GADL1: variants seen among roughly 807,000 people sequenced by gnomAD.
The protein encoded by GADL1 is GAD like acidic amino acid decarboxylase 1.
A neutral mutation model predicts 69.5 loss-of-function variants in GADL1; 71 were observed. The observed-to-expected ratio is 1.02, with a 90% CI of 0.84 to 1.25. The LOEUF (loss-of-function observed/expected upper bound fraction) is 1.25. GADL1 is among the 50% of genes most tolerant of loss of function. The pLI is 0.00. For missense variants in GADL1, 737 were observed against 631.8 expected, an observed-to-expected ratio of 1.17 and a Z score of -1.79; for synonymous variants, 254 against 214.4, an observed-to-expected ratio of 1.18 and a Z score of -1.62.
chr3:30,881,508 G>A (rs913703871), intron 1 of GADL1, among the ~76,000 whole-genome samples: 8 of 151,680 alleles, frequency 5.3e-5, no homozygotes, highest in Non-Finnish European at 1.5e-5. Context: ...GAATTCAAGA[G>A]AAGGAAGAAA....
intron 8 of GADL1, among the ~76,000 whole-genome samples, chr3:30,842,329 A>AT (rs1355487579): frequency 4.6e-5 from 7 of 150,552 alleles, no homozygotes; most frequent in African/African-American, 1.8e-4. Flanking sequence ...ATCAAATGGT[A>AT]TTATGTCTGG....
rs554976919 is a variant in GADL1, at chr3:30,754,178, A to C, written c.1392+24001T>G. 2.6e-5 allele frequency among the ~76,000 whole-genome samples: 4 copies of C among 152,328 alleles called. No homozygotes were observed. In the East Asian group the frequency reaches 7.7e-4, roughly 29 times the overall value. On this transcript the variant is annotated intron_variant, in intron 14 of 14. Coordinates refer to ENST00000282538, the MANE Select transcript of GADL1 (RefSeq NM_207359.3). ...GACAAGGTTGTGGATTGGCTTTTGAAGTATGGCTTCATCCTTTTTTGCTTT... is the reference window on the plus strand; with the variant it reads ...GACAAGGTTGTGGATTGGCTTTTGACGTATGGCTTCATCCTTTTTTGCTTT...
chr3:30,771,839 A>G (rs567573682), intron 14 of GADL1, among the ~76,000 whole-genome samples: 4 of 152,200 alleles, frequency 2.6e-5, no homozygotes, highest in African/African-American at 7.2e-5. Flanking sequence ...ATGCATATCT[A>G]CAAGTCCCTA....
At chr3:30,844,512 G>A (rs755284102) in intron 6 of GADL1, 46 bp from the exon 7 acceptor site, 12 of 1,238,404 alleles carry the variant, frequency 9.7e-6, no homozygotes, top group African/African-American at 6.0e-5. Context: ...TGAAAACATA[G>A]CACAAAAAAA....
chr3:30,875,251 G>T (rs1451340984), intron 1 of GADL1, among the ~76,000 whole-genome samples: 1 of 151,466 alleles, frequency 6.6e-6, no homozygotes, highest in Non-Finnish European at 1.5e-5. Context: ...ATGACAGAAG[G>T]CAGTTGTCAC....
intron 1 of GADL1, among the ~76,000 whole-genome samples, chr3:30,886,426 T>C (rs1698710125): frequency 6.6e-6 from 1 of 152,098 alleles, no homozygotes; most frequent in South Asian, 2.1e-4. Flanking sequence ...CCGTCCCCCA[T>C]GAGTAACTGT....
At chr3:30,737,347 G>A (rs191423862) in intron 14 of GADL1, among the ~76,000 whole-genome samples, 3 of 152,134 alleles carry the variant, frequency 2.0e-5, no homozygotes, top group East Asian at 3.9e-4. Flanking sequence ...TGCTTATGTC[G>A]ATTTTGTAAT....
At position 30,761,119 on chromosome 3, in the gene GADL1, G is replaced by A. The variant is rs76556044; in HGVS notation, c.1392+17060C>T. ...AGGCATTTAATGAAGGATCTCTGAA[G>A]AGACCCTGGACGTAAATCTTTATAT... On this transcript the variant is annotated intron_variant, in intron 14 of 14. Coordinates refer to ENST00000282538, the MANE Select transcript of GADL1 (RefSeq NM_207359.3). Among the ~76,000 whole-genome samples, 1,330 of 152,072 alleles carry A rather than the reference G, an allele frequency of 8.7e-3. 63 individuals carry two copies. In the East Asian group the frequency reaches 0.14, roughly 16 times the overall value.
chr3:30,851,544 C>T (rs1024532657), intron 4 of GADL1, among the ~76,000 whole-genome samples: 11 of 152,266 alleles, frequency 7.2e-5, no homozygotes, highest in South Asian at 2.1e-4. Context: ...CGGGCTGGAA[C>T]GCTGTTGTCA....
intron 6 of GADL1, 89 bp downstream of exon 6, chr3:30,849,907 G>T: frequency 1.3e-6 from 1 of 771,874 alleles, no homozygotes; most frequent in East Asian, 2.6e-5. Context: ...ATGGGTATAG[G>T]ACAAAATCAC....
intron 2 of GADL1, 107 bp downstream of exon 2, chr3:30,861,486 A>G (rs1016311650): frequency 1.3e-6 from 1 of 744,556 alleles, no homozygotes; most frequent in Non-Finnish European, 2.2e-6. Context: ...AAAGGCATAG[A>G]AGAAATAAAA....
intron 14 of GADL1, among the ~76,000 whole-genome samples, chr3:30,766,860 A>C (rs1696293616): frequency 6.6e-6 from 1 of 152,110 alleles, no homozygotes; most frequent in Non-Finnish European, 1.5e-5. Context: ...GGGAAACATG[A>C]GTGACATATT....
At chr3:30,819,522 G>C (rs1697534370) in intron 11 of GADL1, among the ~76,000 whole-genome samples, 1 of 151,974 alleles carries the variant, frequency 6.6e-6, no homozygotes, top group South Asian at 2.1e-4. Context: ...AACTAACATG[G>C]TTATTACAGA....
intron 12 of GADL1, among the ~76,000 whole-genome samples, chr3:30,796,954 C>T (rs1010722591): frequency 6.6e-6 from 1 of 152,168 alleles, no homozygotes; most frequent in South Asian, 2.1e-4. Flanking sequence ...TATCCAAGCC[C>T]TTTGCTATGT....
At chr3:30,739,183 G>T (rs917984612) in intron 14 of GADL1, among the ~76,000 whole-genome samples, 1 of 152,150 alleles carries the variant, frequency 6.6e-6, no homozygotes, top group Admixed American at 6.6e-5. Flanking sequence ...AGATGCAGGG[G>T]CCTGACAAGG....
At position 30,741,981 on chromosome 3, in the gene GADL1, G is replaced by A. The variant is rs182931323; in HGVS notation, c.1393-13566C>T. Among the ~76,000 whole-genome samples the A allele has an allele frequency of 8.7e-4, 133 of 152,262 alleles. No individual in the cohort carries two copies. The Middle Eastern group carries it at 0.014, about 16-fold the overall frequency. Reference sequence around the variant, plus strand: ...CCTAAGCCCACTATGAGGAATTCCAGGCCACATGGAGAGGCTTTCCTGTAG... The same window carrying A: ...CCTAAGCCCACTATGAGGAATTCCAAGCCACATGGAGAGGCTTTCCTGTAG... On this transcript the variant is annotated intron_variant, in intron 14 of 14. Coordinates refer to ENST00000282538, the MANE Select transcript of GADL1 (RefSeq NM_207359.3).
chr3:30,736,592 A>C (rs1695544755), intron 14 of GADL1, among the ~76,000 whole-genome samples: 1 of 152,194 alleles, frequency 6.6e-6, no homozygotes, highest in South Asian at 2.1e-4. Context: ...AAGTGCTATG[A>C]AAAACATGAA....
At chr3:30,873,496 G>A (rs1233055050) in intron 1 of GADL1, among the ~76,000 whole-genome samples, 3 of 151,768 alleles carry the variant, frequency 2.0e-5, no homozygotes, top group African/African-American at 7.3e-5. Flanking sequence ...TTCCAAAAAA[G>A]GCAAGGAAGA....
At chr3:30,831,941 G>A (rs1471624787) in intron 11 of GADL1, among the ~76,000 whole-genome samples, 1 of 151,888 alleles carries the variant, frequency 6.6e-6, no homozygotes, top group Non-Finnish European at 1.5e-5. Context: ...TGTCTTCCCT[G>A]TGAGATTATA....
Sources: gnomAD v4.1 joint callset for allele counts (sites outside exome capture counted in the v4.1 genomes callset) on GRCh38, gnomAD v4.1.1 for gene constraint, MANE v1.5 for transcripts, NCBI Gene and HGNC (gene_info 2026-07-23, HGNC 2026-07-21) for gene names.